Variants in ADCY9 observed in about 807,000 individuals in gnomAD.
ADCY9 encodes the protein adenylate cyclase type 9.
In ADCY9, 50 loss-of-function variants were observed where a neutral mutation model predicts 101.5. The ratio of observed to expected loss-of-function variants is 0.49; its 90% CI spans 0.39 to 0.62. ADCY9 has a LOEUF of 0.62. Ranked by LOEUF, ADCY9 falls within the 20% of genes least tolerant of loss-of-function variation. ADCY9 has a pLI of 0.00. For missense variants in ADCY9, 1,662 were observed against 1,800.4 expected, an observed-to-expected ratio of 0.92 and a Z score of 1.39; for synonymous variants, 905 against 769.3, an observed-to-expected ratio of 1.18 and a Z score of -2.92.
Position 4,114,112 on chromosome 16 carries a change from C to G in ADCY9, c.1331G>C (p.Cys444Ser), listed in dbSNP as rs768695964. ...GGGACAGCCCGCCACGCAGTAGTAA[C>G]AGTCTCCCAGGGTGCTGATTTTCTC... Reference protein sequence around the residue: ...KCEKISTLGDCYYCVAGCPEP... With the variant: ...KCEKISTLGDSYYCVAGCPEP... The change falls in exon 2 of 11, where the codon TGT (cysteine) becomes TCT (serine). Residue 444 changes from cysteine to serine, a missense_variant. Transcript: ENST00000294016. This position sits in a 1 kb window ranked among gnomAD's most constrained non-coding sequence, Gnocchi z 4.3. The G allele has an allele frequency of 6.2e-7, 1 of 1,613,884 alleles. No individual in the cohort carries two copies. Among genetic ancestry groups the G allele is most frequent in the Non-Finnish European group, 8.5e-7 (1 of 1,180,046 alleles).
Position 4,018,158 on chromosome 16 carries a change from G to A in ADCY9, c.1694-10600C>T, listed in dbSNP as rs114837998. Among the ~76,000 whole-genome samples the A allele has an allele frequency of 4.1e-3, 625 of 152,026 alleles. 6 individuals are homozygous for A. Among genetic ancestry groups the A allele is most frequent in the African/African-American group, 0.014 (589 of 41,482 alleles). On this transcript the variant is annotated intron_variant, in intron 2 of 10. Coordinates refer to ENST00000294016, the MANE Select transcript of ADCY9 (RefSeq NM_001116.4). ...GCCACCGAGGCTGCGGAGCCACCTC[G>A]CCTGTAAACATCATATCATGCAAAG...
intron 2 of ADCY9, among the ~76,000 whole-genome samples, chr16:4,009,168 C>T (rs2056386873): frequency 6.6e-6 from 1 of 152,210 alleles, no homozygotes; most frequent in Admixed American, 6.5e-5. Flanking sequence ...CACGTAAAGA[C>T]AGCCTAGAAC....
intron 2 of ADCY9, among the ~76,000 whole-genome samples, chr16:4,093,737 C>T (rs1183861960): frequency 1.3e-5 from 2 of 152,022 alleles, no homozygotes; most frequent in East Asian, 1.9e-4. Flanking sequence ...CCAGCCTGGG[C>T]GACAGAGCCA....
In ADCY9 at chr16:4,007,993, G is replaced by A. The variant is rs140804667; in HGVS notation, c.1694-435C>T. ...CAGTCTAGACGTCATGGCAGCTTCC[G>A]GTACTGACCATCTTACCTGTGTCAG... On this transcript the variant is annotated intron_variant, in intron 2 of 10. Transcript: ENST00000294016. Among the ~76,000 whole-genome samples, 679 of 152,098 alleles carry A rather than the reference G, an allele frequency of 4.5e-3. 2 individuals are homozygous for A. The highest frequency in any genetic ancestry group is 0.016 in the African/African-American group (651 of 41,474).
intron 2 of ADCY9, among the ~76,000 whole-genome samples, chr16:4,010,367 G>A (rs1217534841): frequency 1.3e-5 from 2 of 152,242 alleles, no homozygotes; most frequent in African/African-American, 4.8e-5. Context: ...GGGACAGCCA[G>A]CACATTCACA....
At chr16:4,006,964 G>C (rs113097271) in intron 3 of ADCY9, among the ~76,000 whole-genome samples, 36 of 152,278 alleles carry the variant, frequency 2.4e-4, no homozygotes, top group African/African-American at 8.4e-4. Context: ...TGGATTTCAA[G>C]AGACGTAGAA....
At chr16:4,108,356 C>G (rs1169792136) in intron 2 of ADCY9, among the ~76,000 whole-genome samples, 1 of 69,956 alleles carries the variant, frequency 1.4e-5, no homozygotes, top group East Asian at 4.7e-4. Flanking sequence ...CAGACCGTTT[C>G]TTCATTTTTT....
intron 3 of ADCY9, among the ~76,000 whole-genome samples, chr16:4,002,949 CA>C (rs1426191675): frequency 6.6e-6 from 1 of 152,202 alleles, no homozygotes; most frequent in Non-Finnish European, 1.5e-5. Context: ...CTCCTGACCG[CA>C]GGTGATCTCT....
At chr16:4,110,579 G>C (rs1458236862) in intron 2 of ADCY9, among the ~76,000 whole-genome samples, 1 of 151,826 alleles carries the variant, frequency 6.6e-6, no homozygotes, top group Admixed American at 6.6e-5. Flanking sequence ...TAGTAGAGAC[G>C]GGGTTTCACT....
In ADCY9 at chr16:3,966,566, C is replaced by G; in HGVS notation, c.3271G>C (p.Asp1091His). ...GGCTTGCTTAGGAGCTCGTCAAAGT[C>G]CCCGATGAGCTCGTTGAGGACCCGG... Reference protein sequence around the residue: ...CYRVLNELIGDFDELLSKPDY... With the variant: ...CYRVLNELIGHFDELLSKPDY... Residue 1091 changes from aspartate to histidine, a missense_variant, in exon 11 of 11, where the codon GAC becomes CAC. Asp to His is a moderately conservative substitution (Grantham distance 81). Transcript: ENST00000294016. 6.2e-7 allele frequency: 1 copy of G among 1,614,196 alleles called. No homozygotes were observed. The highest frequency in any genetic ancestry group is 8.5e-7 in the Non-Finnish European group (1 of 1,180,042).
chr16:3,988,905 C>T (rs2072342), intron 6 of ADCY9, 89 bp downstream of exon 6: 66,602 of 1,025,612 alleles, frequency 0.065, 2,771 homozygotes, highest in East Asian at 0.19. Context: ...TGTTCCCATC[C>T]CTTGGTAAAG....
At chr16:4,053,596 C>T (rs1401874957) in intron 2 of ADCY9, among the ~76,000 whole-genome samples, 1 of 152,132 alleles carries the variant, frequency 6.6e-6, no homozygotes. Context: ...GAGTGGACAG[C>T]CTGCACTTTG....
intron 3 of ADCY9, among the ~76,000 whole-genome samples, chr16:3,998,276 T>C (rs2056303166): frequency 1.3e-5 from 2 of 151,866 alleles, no homozygotes; most frequent in African/African-American, 2.4e-5. Context: ...CTGGGCACAG[T>C]GGTGTGTGCT....
chr16:3,980,739 G>A (rs540057575), intron 7 of ADCY9, among the ~76,000 whole-genome samples: 1 of 152,332 alleles, frequency 6.6e-6, no homozygotes, highest in East Asian at 1.9e-4. Flanking sequence ...GAAGACTTTG[G>A]AATACTTCCA....
chr16:4,024,480 A>T (rs775297666), intron 2 of ADCY9, among the ~76,000 whole-genome samples: 1 of 152,192 alleles, frequency 6.6e-6, no homozygotes. Flanking sequence ...ACAGGAAATT[A>T]ACTAGACGAT....
At chr16:3,999,047 G>A (rs2056311888) in intron 3 of ADCY9, among the ~76,000 whole-genome samples, 1 of 152,080 alleles carries the variant, frequency 6.6e-6, no homozygotes, top group African/African-American at 2.4e-5. Context: ...AGATGCCTCT[G>A]TGAAATGTTT....
At chr16:4,094,586 C>T (rs1226020889) in intron 2 of ADCY9, among the ~76,000 whole-genome samples, 1 of 150,790 alleles carries the variant, frequency 6.6e-6, no homozygotes, top group Admixed American at 6.6e-5. Flanking sequence ...CAAAGTGGGA[C>T]GATCGCTCGA....
At chr16:3,979,414 G>T (rs929622828) in intron 7 of ADCY9, 139 bp from the exon 8 acceptor site, 32 of 989,974 alleles carry the variant, frequency 3.2e-5, no homozygotes, top group Non-Finnish European at 4.3e-5. Context: ...GAGCAGGCGT[G>T]GGGTGGGAGT....
At chr16:3,969,569 A>AATATATATAAATATATAT (rs2056029561) in intron 10 of ADCY9, among the ~76,000 whole-genome samples, 2 of 45,240 alleles carry the variant, frequency 4.4e-5, no homozygotes, top group Admixed American at 4.0e-4. Context: ...GTTTGTTTGA[A>AATATATATAAATATATAT]ATATATATAT....
Sources: gnomAD v4.1 joint callset for allele counts (sites outside exome capture counted in the v4.1 genomes callset) on GRCh38, gnomAD v4.1.1 for gene constraint, Gnocchi (gnomAD v3.1) non-coding constraint, MANE v1.5 for transcripts, NCBI Gene and HGNC (gene_info 2026-07-23, HGNC 2026-07-21) for gene names.